Variants in CRB1 observed in about 807,000 individuals in gnomAD.
The protein encoded by CRB1 is crumbs cell polarity complex component 1, also known as protein crumbs homolog 1.
In CRB1, 83 loss-of-function variants were observed where a neutral mutation model predicts 120.0. The observed-to-expected ratio is 0.69, with a 90% CI of 0.58 to 0.83. The LOEUF is 0.83. CRB1 is among the 40% of genes least tolerant of loss of function. The pLI, the probability that CRB1 is intolerant of heterozygous loss-of-function variation, is 0.00. For synonymous variants in CRB1, 625 were observed against 612.5 expected, an observed-to-expected ratio of 1.02 and a Z score of -0.30; for missense variants, 1,699 against 1,687.6, an observed-to-expected ratio of 1.01 and a Z score of -0.12.
intron 9 of CRB1, among the ~76,000 whole-genome samples, chr1:197,437,070 C>T (rs1414474529): frequency 1.3e-5 from 2 of 152,068 alleles, no homozygotes; most frequent in East Asian, 3.9e-4. Flanking sequence ...TTACAACTTA[C>T]ACCGCTTTAA....
chr1:197,391,505 T>A (rs1333832788), intron 5 of CRB1, among the ~76,000 whole-genome samples: 1 of 152,094 alleles, frequency 6.6e-6, no homozygotes, highest in African/African-American at 2.4e-5. Flanking sequence ...GATGATTACA[T>A]CAGAAGAAGT....
chr1:197,248,061 T>G, the CRB1 span, among the ~76,000 whole-genome samples: 1 of 151,982 alleles, frequency 6.6e-6, no homozygotes, highest in Admixed American at 6.6e-5. Context: ...AAATCAAAAT[T>G]GTATATTTTA....
In CRB1 at chr1:197,435,042, C is replaced by G. The variant is rs141758462; in HGVS notation, c.3179C>G (p.Pro1060Arg). The G allele has an allele frequency of 3.7e-6, 6 of 1,613,920 alleles. No individual in the cohort carries two copies. The highest frequency in any genetic ancestry group is 5.1e-6 in the Non-Finnish European group (6 of 1,179,894). ...RWQMEVDNETPFVTSTIATGS... is the reference protein window; with the variant it reads ...RWQMEVDNETRFVTSTIATGS... ...CAAATGGAAGTGGACAACGAAACAC[C>G]TTTTGTGACCAGCACAATTGCTACT... Residue 1060 changes from proline (P) to arginine (R), a missense_variant, in exon 9 of 12, where the codon CCT (proline) becomes CGT (arginine). Transcript: ENST00000367400.
At chr1:197,345,648 C>T (rs1027303109) in intron 3 of CRB1, among the ~76,000 whole-genome samples, 1 of 151,298 alleles carries the variant, frequency 6.6e-6, no homozygotes, top group Non-Finnish European at 1.5e-5. Context: ...GCTGGTATTA[C>T]ATATGCCCAC....
chr1:197,380,165 TCAC>T (rs1172412364), intron 5 of CRB1, among the ~76,000 whole-genome samples: 1 of 152,168 alleles, frequency 6.6e-6, no homozygotes, highest in African/African-American at 2.4e-5. Flanking sequence ...TCCTTTAGAG[TCAC>T]CTATGAGACA....
the CRB1 span, among the ~76,000 whole-genome samples, chr1:197,257,848 G>A: frequency 8.6e-3 from 1,305 of 152,206 alleles, 18 homozygotes; most frequent in African/African-American, 0.03. Context: ...TCTTGAAGTA[G>A]TCCTGTAGCC....
chr1:197,222,750 T>G, the CRB1 span: 1 of 972,296 alleles, frequency 1.0e-6, no homozygotes, highest in East Asian at 2.4e-5. Flanking sequence ...TGGAGTTGAC[T>G]TGCTCTTTCT....
chr1:197,435,056 AC>A lies in CRB1; in HGVS notation c.3194del (p.Thr1065LysfsTer10), dbSNP rs762147334. 6.2e-7 allele frequency: 1 copy of A among 1,614,018 alleles called. No homozygotes were observed. The highest frequency in any genetic ancestry group is 1.1e-5 in the South Asian group (1 of 91,086). ...CAACGAAACACCTTTTGTGACCAGC[AC>A]AATTGCTACTGGAAGCCTCAACTTT... ...VDNETPFVTS[T>X]IATGSLNFLK... On this transcript the variant is annotated frameshift_variant, in exon 9 of 12. Transcript: ENST00000367400. LOFTEE classifies it high-confidence loss of function.
chr1:197,260,700 T>G, the CRB1 span, among the ~76,000 whole-genome samples: 1 of 137,044 alleles, frequency 7.3e-6, no homozygotes, highest in Non-Finnish European at 1.6e-5. Flanking sequence ...AACTAACTAA[T>G]TTTTTTTTTT....
At chr1:197,371,021 CTGTTT>C (rs1420870156) in intron 5 of CRB1, among the ~76,000 whole-genome samples, 17 of 152,148 alleles carry the variant, frequency 1.1e-4, no homozygotes, top group African/African-American at 3.6e-4. Context: ...TTAAATCATT[CTGTTT>C]TATGACCAGA....
At chr1:197,397,168 C>A (rs1276839706) in intron 5 of CRB1, among the ~76,000 whole-genome samples, 1 of 151,956 alleles carries the variant, frequency 6.6e-6, no homozygotes, top group African/African-American at 2.4e-5. Flanking sequence ...CAAATAAGCA[C>A]ATGAAAAGAT....
chr1:197,320,502 A>G (rs1355773395), intron 1 of CRB1, among the ~76,000 whole-genome samples: 3 of 152,220 alleles, frequency 2.0e-5, no homozygotes, highest in Admixed American at 6.5e-5. Context: ...CATTTCATAC[A>G]TAAGCATCCT....
chr1:197,390,142 A>T (rs1240620847), intron 5 of CRB1, among the ~76,000 whole-genome samples: 1 of 141,268 alleles, frequency 7.1e-6, no homozygotes, highest in African/African-American at 2.6e-5. Flanking sequence ...TTCCTGAAAG[A>T]AGTATAGGAA....
chr1:197,467,387 G>A (rs1666795926), intron 11 of CRB1, among the ~76,000 whole-genome samples: 1 of 151,916 alleles, frequency 6.6e-6, no homozygotes, highest in South Asian at 2.1e-4. Flanking sequence ...TTACCACTAA[G>A]TATTTTAGTA....
In CRB1 at chr1:197,268,401, CT is replaced by C. The variant is rs1282715049; in HGVS notation, c.-11del. On this transcript the variant is annotated 5_prime_UTR_variant, in exon 1 of 12. An upstream open reading frame in the 5' UTR loses its in-frame stop. Coordinates refer to ENST00000367400, the MANE Select transcript of CRB1 (RefSeq NM_201253.3). The stretch of plus-strand genomic sequence containing the variant: ...CCAGCAACACACCAGAGGATGTTCT[CT>C]AAATAAGACCATGGCACTTAAGAAC... 2.5e-6 allele frequency: 4 copies of C among 1,598,484 alleles called. No homozygotes were observed. The highest frequency in any genetic ancestry group is 3.4e-6 in the Non-Finnish European group (4 of 1,166,072).
rs765264462 is a variant in CRB1 at position 197,329,717 on chromosome 1, G to A, written c.652+714G>A. Among the ~76,000 whole-genome samples the A allele has an allele frequency of 4.9e-4, 74 of 152,184 alleles. 1 individual carries two copies. Among genetic ancestry groups the A allele is most frequent in the Non-Finnish European group, 9.9e-4 (67 of 68,014 alleles). ...TTACTGTTTTAGGTCAATTCTTCACGATGGCCACATTTCTTGCTTTGCTTT... is the reference window on the plus strand; with the variant it reads ...TTACTGTTTTAGGTCAATTCTTCACAATGGCCACATTTCTTGCTTTGCTTT... On this transcript the variant is annotated intron_variant, in intron 2 of 11. Coordinates refer to ENST00000367400, the MANE Select transcript of CRB1 (RefSeq NM_201253.3).
Position 197,478,294 on chromosome 1 carries a change from G to T in CRB1, c.*415G>T. On this transcript the variant is annotated 3_prime_UTR_variant, in exon 12 of 12. Transcript: ENST00000367400. ...ACATGGAAACTACAGGAAAAAATTG[G>T]CTACATTTCTCACTTCTCCTATCAT... The T allele has an allele frequency of 3.9e-6, 1 of 257,506 alleles. No homozygotes were observed. Among genetic ancestry groups the T allele is most frequent in the Non-Finnish European group, 7.6e-6 (1 of 131,188 alleles). The allele number at this position is 257,506 out of a possible 1,614,324, so 16.0% of individuals were successfully genotyped here. A position where few individuals can be genotyped will look rare whatever the true frequency, so the allele number is the denominator to read the frequency against.
the CRB1 span, among the ~76,000 whole-genome samples, chr1:197,252,578 A>ATGTG: frequency 4.3e-3 from 124 of 28,632 alleles, no homozygotes; most frequent in Non-Finnish European, 5.0e-3. Context: ...ATATATATAT[A>ATGTG]TATATGTGTG....
In CRB1 at chr1:197,366,221, A is replaced by T. The variant is rs1410542582; in HGVS notation, c.1171+9208A>T. 2.0e-5 allele frequency among the ~76,000 whole-genome samples: 3 copies of T among 152,258 alleles called. No homozygotes were observed. In the East Asian group the frequency reaches 5.8e-4, roughly 29 times the overall value. On this transcript the variant is annotated intron_variant, in intron 5 of 11. Transcript: ENST00000367400. ...TTTCTTCCATCCCGAATAGTTGGAT[A>T]TTCAACTTTATTTTTATTTGTTATA...
Sources: gnomAD v4.1 joint callset for allele counts (sites outside exome capture counted in the v4.1 genomes callset) on GRCh38, gnomAD v4.1.1 for gene constraint, MANE v1.5 for transcripts, NCBI Gene and HGNC (gene_info 2026-07-23, HGNC 2026-07-21) for gene names.